LRP1B: variants seen among roughly 807,000 people sequenced by gnomAD.
LRP1B encodes the protein LDL receptor related protein 1B, also known as low-density lipoprotein receptor-related protein 1B.
A neutral mutation model predicts 556.6 loss-of-function variants in LRP1B; 217 were observed. The ratio of observed to expected loss-of-function variants is 0.39; its 90% CI spans 0.35 to 0.44. The LOEUF is 0.44. Ranked by LOEUF, LRP1B falls within the 20% of genes least tolerant of loss-of-function variation. The pLI, the probability that LRP1B is intolerant of heterozygous loss-of-function variation, is 1.00. For synonymous variants in LRP1B, 2,047 were observed against 1,865.8 expected (o/e 1.10, Z -2.50); for missense variants, 5,053 against 5,620.8 (o/e 0.90, Z 3.23).
chr2:140,833,427 C>A lies in LRP1B; in HGVS notation c.5209+6564G>T, dbSNP rs114627118. ...ATGACCACCATCACTCACTGATTCA[C>A]CAAAAATTGGTTAAAATCTTACGTG... On this transcript the variant is annotated intron_variant, in intron 31 of 90. Transcript: ENST00000389484. Among the ~76,000 whole-genome samples the A allele has an allele frequency of 1.2e-3, 183 of 152,276 alleles. 1 individual carries two copies. The highest frequency in any genetic ancestry group is 4.3e-3 in the African/African-American group (180 of 41,572).
intron 3 of LRP1B, among the ~76,000 whole-genome samples, chr2:141,287,437 C>T (rs748638974): frequency 6.6e-6 from 1 of 151,956 alleles, no homozygotes; most frequent in Non-Finnish European, 1.5e-5. Context: ...ATTCTCCTGC[C>T]TCAGACTCCC....
In LRP1B at chr2:141,173,730, G is replaced by A. The variant is rs113339193; in HGVS notation, c.1013+14691C>T. Among the ~76,000 whole-genome samples, 1,272 of 152,062 alleles carry A rather than the reference G, an allele frequency of 8.4e-3. 9 individuals are homozygous for A. Among genetic ancestry groups the A allele is most frequent in the Non-Finnish European group, 0.013 (875 of 67,948 alleles). ...TGGGTAAGATAATTAGGATGTAGCT[G>A]AGGATAGAACAGAAAAACAGAAAAA... On this transcript the variant is annotated intron_variant, in intron 7 of 90. Coordinates refer to ENST00000389484, the MANE Select transcript of LRP1B (RefSeq NM_018557.3).
At chr2:140,313,927 TAAG>T (rs909283010) in intron 83 of LRP1B, among the ~76,000 whole-genome samples, 4 of 152,078 alleles carry the variant, frequency 2.6e-5, no homozygotes, top group East Asian at 3.9e-4. Flanking sequence ...TATGAATTAA[TAAG>T]AAAATATTTA....
At chr2:141,147,834 A>G (rs1277883091) in intron 7 of LRP1B, among the ~76,000 whole-genome samples, 2 of 152,190 alleles carry the variant, frequency 1.3e-5, no homozygotes, top group East Asian at 3.8e-4. Flanking sequence ...GTGGTCCCAT[A>G]AGTTTATAAT....
intron 32 of LRP1B, among the ~76,000 whole-genome samples, chr2:140,786,211 A>T (rs1331443530): frequency 2.0e-5 from 3 of 152,236 alleles, no homozygotes; most frequent in African/African-American, 7.2e-5. Context: ...TCTGTGTTCC[A>T]GGAATATTGA....
chr2:140,882,241 G>A (rs1341179498), intron 25 of LRP1B, among the ~76,000 whole-genome samples: 2 of 152,104 alleles, frequency 1.3e-5, no homozygotes, highest in Non-Finnish European at 2.9e-5. Flanking sequence ...AGCTGATAAT[G>A]AGCTAGCAAC....
chr2:141,157,799 A>G (rs1358522686), intron 7 of LRP1B, among the ~76,000 whole-genome samples: 2 of 152,158 alleles, frequency 1.3e-5, no homozygotes, highest in African/African-American at 4.8e-5. Flanking sequence ...TTTTCCATGA[A>G]CTTAAGAATG....
At chr2:140,906,957 T>C (rs1333390715) in intron 22 of LRP1B, among the ~76,000 whole-genome samples, 2 of 146,122 alleles carry the variant, frequency 1.4e-5, no homozygotes, top group East Asian at 2.1e-4. Context: ...AAAAAAGACA[T>C]TTTACCACAT....
At chr2:140,849,584 T>G (rs1422071223) in intron 29 of LRP1B, among the ~76,000 whole-genome samples, 1 of 152,064 alleles carries the variant, frequency 6.6e-6, no homozygotes, top group Non-Finnish European at 1.5e-5. Flanking sequence ...TTCTTGCCCA[T>G]GCTGGAGCAC....
Position 141,795,857 on chromosome 2 carries a change from AATATATATATATAT to A in LRP1B, c.205+14408_205+14421del, listed in dbSNP as rs1198211801. Among the ~76,000 whole-genome samples the A allele has an allele frequency of 4.7e-4, 24 of 51,608 alleles. No individual in the cohort carries two copies. The East Asian group carries it at 5.8e-3, about 12-fold the overall frequency. The allele number at this position is 51,608 out of a possible 152,430, so 33.9% of individuals were successfully genotyped here. ...GAAATAGAGAATGAAAACCAGGAGCAATATATATATATATATATATATATATATATATATATATA... is the reference window on the plus strand; with the variant it reads ...GAAATAGAGAATGAAAACCAGGAGCAATATATATATATATATATATATATA... On this transcript the variant is annotated intron_variant, in intron 2 of 90. Transcript: ENST00000389484.
intron 77 of LRP1B, among the ~76,000 whole-genome samples, chr2:140,341,678 C>G (rs1267142162): frequency 6.6e-6 from 1 of 151,184 alleles, no homozygotes. Context: ...ATGGCTGGAA[C>G]AAAACGTTGT....
intron 69 of LRP1B, among the ~76,000 whole-genome samples, chr2:140,371,537 A>C (rs534580485): frequency 8.0e-4 from 121 of 151,620 alleles, no homozygotes; most frequent in Non-Finnish European, 1.7e-3. Flanking sequence ...AATTTAACTC[A>C]ATAGTCCATA....
chr2:141,660,588 C>A (rs1690177993), intron 2 of LRP1B, among the ~76,000 whole-genome samples: 1 of 152,068 alleles, frequency 6.6e-6, no homozygotes, highest in Non-Finnish European at 1.5e-5. Context: ...TTAGTCTGGA[C>A]CTGGATCCAT....
At chr2:141,581,219 C>T (rs1237504971) in intron 2 of LRP1B, among the ~76,000 whole-genome samples, 1 of 152,128 alleles carries the variant, frequency 6.6e-6, no homozygotes, top group African/African-American at 2.4e-5. Flanking sequence ...ACACTGCTCC[C>T]GATAATGGAA....
chr2:140,381,611 C>T (rs1683490408), intron 67 of LRP1B, among the ~76,000 whole-genome samples: 1 of 151,752 alleles, frequency 6.6e-6, no homozygotes, highest in Admixed American at 6.6e-5. Flanking sequence ...GCCTGTAATC[C>T]CAACATTTTG....
chr2:140,493,850 C>T (rs1055213560), intron 56 of LRP1B, among the ~76,000 whole-genome samples: 1 of 151,804 alleles, frequency 6.6e-6, no homozygotes, highest in African/African-American at 2.4e-5. Flanking sequence ...TTAAATACCC[C>T]CTTCTATCAT....
At chr2:140,678,209 A>C (rs1046712781) in intron 41 of LRP1B, among the ~76,000 whole-genome samples, 1 of 152,214 alleles carries the variant, frequency 6.6e-6, no homozygotes, top group African/African-American at 2.4e-5. Context: ...AAAGACATTC[A>C]TGAAGAATGA....
At chr2:141,352,652 ATATTAC>A (rs1319289787) in intron 3 of LRP1B, among the ~76,000 whole-genome samples, 1 of 151,974 alleles carries the variant, frequency 6.6e-6, no homozygotes, top group African/African-American at 2.4e-5. Flanking sequence ...AGAAATTTGT[ATATTAC>A]TATTGAGTTG....
At chr2:141,416,416 C>G (rs74771195) in intron 3 of LRP1B, among the ~76,000 whole-genome samples, 9,689 of 151,208 alleles carry the variant, frequency 0.064, 1,047 homozygotes, top group African/African-American at 0.22. Flanking sequence ...CAACTCCTAG[C>G]CCACAGTAAA....
Sources: gnomAD v4.1 joint callset for allele counts (sites outside exome capture counted in the v4.1 genomes callset) on GRCh38, gnomAD v4.1.1 for gene constraint, MANE v1.5 for transcripts, NCBI Gene and HGNC (gene_info 2026-07-23, HGNC 2026-07-21) for gene names.